PTCHD4: variants seen among roughly 807,000 people sequenced by gnomAD.
The protein encoded by PTCHD4 is patched domain-containing protein 4.
A neutral mutation model predicts 58.1 loss-of-function variants in PTCHD4; 33 were observed. The ratio of observed to expected loss-of-function variants is 0.57; its 90% CI spans 0.43 to 0.76. The LOEUF (loss-of-function observed/expected upper bound fraction) is 0.76, where lower values mean the gene tolerates loss of function less well. PTCHD4 is among the 30% of genes least tolerant of loss of function. The pLI, the probability that PTCHD4 is intolerant of heterozygous loss-of-function variation, is 0.00. For missense variants in PTCHD4, 1,058 were observed against 1,027.1 expected (o/e 1.03, Z -0.41); for synonymous variants, 478 against 409.6 (o/e 1.17, Z -2.02).
intron 4 of PTCHD4, among the ~76,000 whole-genome samples, chr6:47,903,202 A>G (rs1253342374): frequency 6.6e-6 from 1 of 152,242 alleles, no homozygotes; most frequent in Non-Finnish European, 1.5e-5. Context: ...TTTCTTGAAT[A>G]TTAAAAGAGA....
chr6:47,945,021 G>A (rs1385285879), intron 4 of PTCHD4, among the ~76,000 whole-genome samples: 1 of 151,992 alleles, frequency 6.6e-6, no homozygotes, highest in East Asian at 1.9e-4. Flanking sequence ...CTAAGCAGGT[G>A]ATAAAAATAA....
chr6:48,046,331 T>C (rs759999288), intron 3 of PTCHD4, among the ~76,000 whole-genome samples: 2 of 151,818 alleles, frequency 1.3e-5, no homozygotes, highest in Non-Finnish European at 2.9e-5. Flanking sequence ...AAGATGCAAG[T>C]AGCTTTTGGG....
rs193089597 is a variant in PTCHD4, at chr6:48,074,508, C to T, written c.-969-4582G>A. ...TCCCAGAAGGCCTCCAGTAGATTTC[C>T]TCTTAAGTCTCATTTCCCATGCCCA... On this transcript the variant is annotated intron_variant, in intron 1 of 4. Transcript: ENST00000339488. Among the ~76,000 whole-genome samples the T allele has an allele frequency of 3.4e-3, 515 of 152,292 alleles. 6 individuals carry two copies. The highest frequency in any genetic ancestry group is 0.011 in the African/African-American group (452 of 41,564).
intron 1 of PTCHD4, among the ~76,000 whole-genome samples, chr6:48,104,663 G>A (rs896088651): frequency 2.0e-5 from 3 of 152,116 alleles, no homozygotes; most frequent in Non-Finnish European, 4.4e-5. Flanking sequence ...TGGCAAATTG[G>A]ATAAAGAGTC....
At position 47,856,788 on chromosome 6, in the gene PTCHD4, A is replaced by T. The variant is rs1483335449; in HGVS notation, c.*21515T>A. 6.6e-6 allele frequency among the ~76,000 whole-genome samples: 1 copy of T among 152,074 alleles called. No individual in the cohort carries two copies. The highest frequency in any genetic ancestry group is 1.5e-5 in the Non-Finnish European group (1 of 67,988). ...ATAATTTTATGAACATTTTATACCT[A>T]ATAAAAAAGTTAAAATAATTAACAG... On this transcript the variant is annotated 3_prime_UTR_variant, in exon 5 of 5. Transcript: ENST00000339488.
At chr6:48,049,071 A>C (rs1364527261) in intron 3 of PTCHD4, among the ~76,000 whole-genome samples, 4 of 151,960 alleles carry the variant, frequency 2.6e-5, no homozygotes, top group Non-Finnish European at 5.9e-5. Flanking sequence ...TGTGAGAACT[A>C]TTTCACTCAA....
chr6:47,932,242 T>C (rs971693255), intron 4 of PTCHD4, among the ~76,000 whole-genome samples: 2 of 152,186 alleles, frequency 1.3e-5, no homozygotes, highest in African/African-American at 4.8e-5. Context: ...TTGGTCCTCA[T>C]ATCTAATAGT....
At chr6:47,898,915 C>T (rs958855419) in intron 4 of PTCHD4, among the ~76,000 whole-genome samples, 1 of 152,170 alleles carries the variant, frequency 6.6e-6, no homozygotes. Flanking sequence ...GTCAGATTCC[C>T]TCTGTTTCTC....
intron 1 of PTCHD4, among the ~76,000 whole-genome samples, chr6:48,110,277 T>G (rs139437495): frequency 6.6e-6 from 1 of 152,148 alleles, no homozygotes; most frequent in Admixed American, 6.5e-5. Flanking sequence ...TTAAATACTA[T>G]TTAGTCTTTG....
intron 3 of PTCHD4, among the ~76,000 whole-genome samples, chr6:48,022,229 C>G (rs752593142): frequency 2.0e-5 from 3 of 151,380 alleles, no homozygotes; most frequent in African/African-American, 7.3e-5. Flanking sequence ...CCCTTTCTCC[C>G]TGTTTTCCTC....
Position 47,991,663 on chromosome 6 carries a change from G to A in PTCHD4, c.898+16971C>T, listed in dbSNP as rs539378838. Reference sequence around the variant, plus strand: ...AACAATAGACTTAAAGTGCTAGACAGCAATATCATGTAAGTCGGGAGGAAG... The same window carrying A: ...AACAATAGACTTAAAGTGCTAGACAACAATATCATGTAAGTCGGGAGGAAG... On this transcript the variant is annotated intron_variant, in intron 4 of 4. Transcript: ENST00000339488. 1.3e-3 allele frequency among the ~76,000 whole-genome samples: 201 copies of A among 152,048 alleles called. 1 individual carries two copies. The highest frequency in any genetic ancestry group is 4.1e-3 in the African/African-American group (170 of 41,534).
intron 3 of PTCHD4, among the ~76,000 whole-genome samples, chr6:48,040,909 G>A (rs1763822948): frequency 6.6e-6 from 1 of 152,014 alleles, no homozygotes; most frequent in South Asian, 2.1e-4. Flanking sequence ...TCATTTTGGT[G>A]AAGCATGGAT....
chr6:48,058,429 T>C (rs919765670), intron 3 of PTCHD4, among the ~76,000 whole-genome samples: 1 of 152,188 alleles, frequency 6.6e-6, no homozygotes, highest in East Asian at 1.9e-4. Context: ...GGAAACTTAA[T>C]TATAGATGAC....
chr6:48,022,258 C>T (rs1763097743), intron 3 of PTCHD4, among the ~76,000 whole-genome samples: 1 of 151,542 alleles, frequency 6.6e-6, no homozygotes, highest in African/African-American at 2.4e-5. Context: ...TCTCTCATCT[C>T]TCTCCTTCCT....
At position 47,869,792 on chromosome 6, in the gene PTCHD4, T is replaced by C. The variant is rs1016353961; in HGVS notation, c.*8511A>G. Among the ~76,000 whole-genome samples, 2 of 151,706 alleles carry C rather than the reference T, an allele frequency of 1.3e-5. No individual in the cohort carries two copies. Among genetic ancestry groups the C allele is most frequent in the Non-Finnish European group, 3.0e-5 (2 of 67,770 alleles). On this transcript the variant is annotated 3_prime_UTR_variant, in exon 5 of 5. Transcript: ENST00000339488. ...AAATACTAAAAAAACATAGATTATG[T>C]TATTTTACATTGTGATGTTATAAGA... is the stretch of plus-strand genomic sequence containing the variant.
intron 3 of PTCHD4, among the ~76,000 whole-genome samples, chr6:48,048,032 A>C (rs1052677948): frequency 2.6e-5 from 4 of 151,778 alleles, no homozygotes; most frequent in Admixed American, 6.6e-5. Context: ...AAAAAAAAAA[A>C]AAAAAACCCT....
At chr6:48,041,179 G>C (rs1297386609) in intron 3 of PTCHD4, among the ~76,000 whole-genome samples, 1 of 152,054 alleles carries the variant, frequency 6.6e-6, no homozygotes, top group African/African-American at 2.4e-5. Flanking sequence ...AGAATTGAGA[G>C]AAAGTGGACC....
At chr6:48,004,211 A>T (rs1024814784) in intron 4 of PTCHD4, among the ~76,000 whole-genome samples, 2 of 152,192 alleles carry the variant, frequency 1.3e-5, no homozygotes, top group African/African-American at 2.4e-5. Flanking sequence ...AATTTAAATG[A>T]GTCTCAGTTT....
chr6:48,014,752 T>C (rs1762809697), intron 3 of PTCHD4, among the ~76,000 whole-genome samples: 1 of 152,148 alleles, frequency 6.6e-6, no homozygotes, highest in Non-Finnish European at 1.5e-5. Context: ...ATAAAGATCT[T>C]ACTTATCACA....
Sources: allele counts gnomAD v4.1 joint callset (sites outside exome capture counted in the v4.1 genomes callset), GRCh38; gene constraint gnomAD v4.1.1; transcripts MANE v1.5; gene names NCBI Gene and HGNC (gene_info 2026-07-23, HGNC 2026-07-21).